The following KRT86 variants were observed in gnomAD, a reference collection of about 807,000 sequenced individuals.
KRT86 encodes the protein keratin 86, also known as keratin, type II cuticular Hb6.
Under a neutral mutation model 41.2 loss-of-function variants are expected in KRT86, and 30 were observed. The ratio of observed to expected loss-of-function variants is 0.73; its 90% CI spans 0.54 to 0.99. KRT86 has a LOEUF of 0.99. KRT86 is among the 50% of genes least tolerant of loss of function. The pLI is 0.00. For missense variants in KRT86, 561 were observed against 571.4 expected, an observed-to-expected ratio of 0.98 and a Z score of 0.19; for synonymous variants, 238 against 238.1, an observed-to-expected ratio of 1.00 and a Z score of 0.00.
At chr12:52,275,730 A>T in intron 1 of KRT86, 91 bp from the exon 2 acceptor site, 1 of 388,572 alleles carries the variant, frequency 2.6e-6, no homozygotes, top group Non-Finnish European at 3.5e-6. Context: ...CAGAGAAGCT[A>T]GGTGACCACT....
At chr12:52,278,817 CTG>C (rs1937701246) in intron 2 of KRT86, 1 of 152,148 alleles carries the variant, frequency 6.6e-6, no homozygotes, top group Non-Finnish European at 1.5e-5. Flanking sequence ...GTTCCTGTGT[CTG>C]TGACAGCTCC....
At chr12:52,304,678 G>T (rs1281159862) in intron 5 of KRT86, among the ~76,000 whole-genome samples, 2 of 151,826 alleles carry the variant, frequency 1.3e-5, no homozygotes, top group African/African-American at 4.8e-5. Flanking sequence ...GAGCAGGAGA[G>T]GGGAGAAAGG....
intron 2 of KRT86, among the ~76,000 whole-genome samples, chr12:52,291,884 GGGA>G (rs941011217): frequency 3.3e-5 from 5 of 152,076 alleles, no homozygotes; most frequent in African/African-American, 1.2e-4. Flanking sequence ...GGGAGAAACT[GGGA>G]GGAGGAGACC....
rs113743804 is a variant in KRT86, at chr12:52,285,852, T to C, written c.-5+9906T>C. The C allele has an allele frequency of 1.1e-3, 299 of 264,828 alleles. 2 individuals carry two copies. The highest frequency in any genetic ancestry group is 5.9e-3 in the African/African-American group (269 of 45,316). The allele number at this position is 264,828 out of a possible 1,614,324, so 16.4% of individuals were successfully genotyped here. A position where few individuals can be genotyped will look rare whatever the true frequency, so the allele number is the denominator to read the frequency against. ...GGCCTTTTGCTGCTCCATGTGACTT[T>C]GGGGACCCTCCCTAACCCCGACCCC... On this transcript the variant is annotated intron_variant, in intron 2 of 10. Transcript: ENST00000423955.
At chr12:52,288,333 G>C in intron 2 of KRT86, 2 of 1,613,488 alleles carry the variant, frequency 1.2e-6, no homozygotes, top group African/African-American at 1.3e-5. Context: ...CTGGCTGCCA[G>C]GTTTCTGTCT....
chr12:52,285,982 G>A (rs1449091558), intron 2 of KRT86: 2 of 519,862 alleles, frequency 3.8e-6, no homozygotes, highest in South Asian at 2.1e-5. Context: ...GAAGGCAGTT[G>A]CCGTGGGCAA....
At chr12:52,287,104 C>G in intron 2 of KRT86, 2 of 1,612,924 alleles carry the variant, frequency 1.2e-6, no homozygotes, top group South Asian at 2.2e-5. Flanking sequence ...GGACCCACCT[C>G]TGCTCCTCGC....
At chr12:52,280,136 C>T (rs749880825) in intron 2 of KRT86, among the ~76,000 whole-genome samples, 16 of 152,078 alleles carry the variant, frequency 1.1e-4, no homozygotes, top group Admixed American at 3.3e-4. Flanking sequence ...ATTGGGCCAC[C>T]GAGTTGTGTT....
rs1565751580 is a variant in KRT86 at position 52,308,440 on chromosome 12, A to G, written c.1316A>G (p.Asp439Gly). The G allele has an allele frequency of 1.9e-6, 3 of 1,611,968 alleles. No individual in the cohort carries two copies. The highest frequency in any genetic ancestry group is 2.5e-6 in the Non-Finnish European group (3 of 1,179,752). ...TCCCGCGGTGGCGTTGTCTGTGGCG[A>G]TCTCTGCGCCTCCACTACTGCCCCT... ...SSSRGGVVCG[D>G]LCASTTAPVV... The change falls in exon 11 of 11, where the codon GAT becomes GGT. Residue 439 changes from aspartate to glycine, a missense_variant. Around this residue, in one of 3 missense-constraint regions of KRT86, gnomAD observed 397 missense variants for 375.9 expected, o/e 1.06. Coordinates refer to ENST00000423955, the MANE Select transcript of KRT86 (RefSeq NM_001320198.2).
At chr12:52,287,955 C>T (rs774809318) in intron 2 of KRT86, 1 of 1,614,180 alleles carries the variant, frequency 6.2e-7, no homozygotes, top group Admixed American at 1.7e-5. Flanking sequence ...ACTGACACGT[C>T]TAGCAGGCAG....
At chr12:52,288,276 T>G (rs960310454) in intron 2 of KRT86, 25 of 1,604,472 alleles carry the variant, frequency 1.6e-5, no homozygotes, top group Non-Finnish European at 2.1e-5. Context: ...GACTGCAACC[T>G]CTACCCACAT....
At chr12:52,292,215 T>C (rs774169990) in intron 2 of KRT86, among the ~76,000 whole-genome samples, 1 of 152,234 alleles carries the variant, frequency 6.6e-6, no homozygotes, top group Non-Finnish European at 1.5e-5. Context: ...GTTAACATTA[T>C]ACCATATTTG....
Position 52,291,356 on chromosome 12 carries a change from C to T in KRT86, c.-4-10557C>T, listed in dbSNP as rs202217596. The stretch of plus-strand genomic sequence containing the variant: ...GAAGCCCCCGGTGAGGCCGCGGTAG[C>T]AGGAGATGCCACGGTAGGGGGCGGC... On this transcript the variant is annotated intron_variant, in intron 2 of 10. Coordinates refer to ENST00000423955, the MANE Select transcript of KRT86 (RefSeq NM_001320198.2). 287 of 1,593,836 alleles carry T rather than the reference C, an allele frequency of 1.8e-4. No homozygotes were observed. The African/African-American group carries it at 3.6e-3, about 20-fold the overall frequency.
At position 52,306,138 on chromosome 12, in the gene KRT86, G is replaced by A; in HGVS notation, c.1105G>A (p.Ala369Thr). The A allele has an allele frequency of 1.2e-6, 2 of 1,613,990 alleles. No homozygotes were observed. The highest frequency in any genetic ancestry group is 1.7e-6 in the Non-Finnish European group (2 of 1,180,042). Residue 369 changes from alanine to threonine, a missense_variant, in exon 9 of 11, where the codon GCC becomes ACC. By Grantham distance (58) the Ala-to-Thr change is moderately conservative. This residue lies in a region of KRT86 where 397 missense variants were observed against 375.9 expected (regional missense o/e 1.06). Coordinates refer to ENST00000423955, the MANE Select transcript of KRT86 (RefSeq NM_001320198.2). Reference protein sequence around the residue: ...AALSDARCKLAELEGALQKAK... With the variant: ...AALSDARCKLTELEGALQKAK... ...CCTCAGCGATGCCCGCTGCAAGTTG[G>A]CCGAGCTGGAGGGTGCCCTGCAGAA... is the stretch of plus-strand genomic sequence containing the variant.
chr12:52,291,679 G>A, intron 2 of KRT86: 3 of 667,346 alleles, frequency 4.5e-6, no homozygotes, highest in South Asian at 3.9e-5. Context: ...TAATGGGGGA[G>A]TGGCCTGCAC....
At chr12:52,286,993 A>C in intron 2 of KRT86, 1 of 1,592,708 alleles carries the variant, frequency 6.3e-7, no homozygotes. Flanking sequence ...GAAGTGAATA[A>C]TAATATTTTT....
At position 52,287,229 on chromosome 12, in the gene KRT86, C is replaced by T. The variant is rs746234893; in HGVS notation, c.-5+11283C>T. 2.5e-5 allele frequency: 41 copies of T among 1,613,990 alleles called. No individual in the cohort carries two copies. The Middle Eastern group carries it at 5.0e-4, about 20-fold the overall frequency. ...ATGTCCTGCTTGGCCTTCTGCAGGG[C>T]GCCCTCCAGCTCGGCCAGCTTGCAG... On this transcript the variant is annotated intron_variant, in intron 2 of 10. Coordinates refer to ENST00000423955, the MANE Select transcript of KRT86 (RefSeq NM_001320198.2).
At position 52,302,031 on chromosome 12, in the gene KRT86, C is replaced by A; in HGVS notation, c.115C>A (p.Arg39Ser). 1 of 1,610,374 alleles carries A rather than the reference C, an allele frequency of 6.2e-7. No homozygotes were observed. The highest frequency in any genetic ancestry group is 8.5e-7 in the Non-Finnish European group (1 of 1,178,450). ...AAPYRGISCY[R>S]GLTGGFGSHS... ...CCCCTACCGTGGCATCTCCTGCTAC[C>A]GCGGCCTCACCGGGGGCTTCGGCAG... is the stretch of plus-strand genomic sequence containing the variant. The change falls in exon 3 of 11, where the codon CGC becomes AGC. Residue 39 changes from arginine to serine, a missense_variant. By Grantham distance (110) the Arg-to-Ser change is moderately radical. This residue lies in a region of KRT86 where 164 missense variants were observed against 172.5 expected (regional missense o/e 0.95). Coordinates refer to ENST00000423955, the MANE Select transcript of KRT86 (RefSeq NM_001320198.2).
chr12:52,280,574 G>A (rs956845724), intron 2 of KRT86, among the ~76,000 whole-genome samples: 5 of 152,160 alleles, frequency 3.3e-5, no homozygotes, highest in African/African-American at 1.2e-4. Context: ...GTATCCAAAA[G>A]GCCCTCTTCT....
Sources: gnomAD v4.1 joint callset for allele counts (sites outside exome capture counted in the v4.1 genomes callset) on GRCh38, gnomAD v4.1.1 for gene constraint, gnomAD v4.1.1 regional missense constraint, MANE v1.5 for transcripts, NCBI Gene and HGNC (gene_info 2026-07-23, HGNC 2026-07-21) for gene names.